EYS: variants seen among roughly 807,000 people sequenced by gnomAD.
EYS encodes protein eyes shut homolog.
Under a neutral mutation model 282.1 loss-of-function variants are expected in EYS, and 250 were observed. That is an observed-to-expected ratio of 0.89 (90% CI 0.80 to 0.98). The LOEUF is 0.98. Ranked by LOEUF, EYS falls within the 50% of genes least tolerant of loss-of-function variation. The pLI, the probability that EYS is intolerant of heterozygous loss-of-function variation, is 0.00. For synonymous variants in EYS, 1,355 were observed against 1,282.9 expected, an observed-to-expected ratio of 1.06 and a Z score of -1.20; for missense variants, 4,016 against 3,709.0, an observed-to-expected ratio of 1.08 and a Z score of -2.15.
rs376413806 is a variant in EYS at position 64,856,242 on chromosome 6, T to C, written c.2992+30455A>G. ...CATCTCCACCAGAAATAAATGAGAG[T>C]TCCTGTTGCTTCACATTTTCGCCAG... On this transcript the variant is annotated intron_variant, in intron 19 of 42. Transcript: ENST00000503581. Among the ~76,000 whole-genome samples, 6 of 152,002 alleles carry C rather than the reference T, an allele frequency of 3.9e-5. No homozygotes were observed. In the East Asian group the frequency reaches 5.8e-4, roughly 15 times the overall value.
intron 30 of EYS, among the ~76,000 whole-genome samples, chr6:64,263,731 G>A (rs1447259255): frequency 6.6e-6 from 1 of 152,074 alleles, no homozygotes; most frequent in Non-Finnish European, 1.5e-5. Context: ...CCATATGGAT[G>A]TATAGGTTTG....
intron 39 of EYS, 154 bp from the exon 40 acceptor site, chr6:63,778,334 G>A: frequency 1.3e-6 from 1 of 790,372 alleles, no homozygotes. Context: ...AATGCGCAGA[G>A]AAATTTTTTT....
intron 5 of EYS, among the ~76,000 whole-genome samples, chr6:65,442,470 A>G (rs1768371452): frequency 6.6e-6 from 1 of 151,958 alleles, no homozygotes; most frequent in South Asian, 2.1e-4. Context: ...TTAAAAATGA[A>G]TAGGCCAGGC....
At chr6:64,129,516 G>A (rs1773896677) in intron 31 of EYS, among the ~76,000 whole-genome samples, 1 of 152,142 alleles carries the variant, frequency 6.6e-6, no homozygotes, top group South Asian at 2.1e-4. Flanking sequence ...GTTCATTGCA[G>A]ATTCTGGATA....
At chr6:64,301,881 A>G (rs1339701591) in intron 30 of EYS, among the ~76,000 whole-genome samples, 1 of 152,170 alleles carries the variant, frequency 6.6e-6, no homozygotes, top group Non-Finnish European at 1.5e-5. Context: ...TTCTGGGTTT[A>G]CTAGCACTCA....
chr6:65,586,798 A>C (rs1045950389), intron 2 of EYS, among the ~76,000 whole-genome samples: 4 of 152,122 alleles, frequency 2.6e-5, no homozygotes, highest in Non-Finnish European at 5.9e-5. Context: ...CAATTCTATT[A>C]CAAGCAAGTC....
At chr6:64,584,320 T>C (rs1350894099) in intron 26 of EYS, among the ~76,000 whole-genome samples, 1 of 151,850 alleles carries the variant, frequency 6.6e-6, no homozygotes, top group Non-Finnish European at 1.5e-5. Context: ...TTTTCTCCTA[T>C]AGGAAGAGAG....
chr6:64,460,619 C>G (rs1775713653), intron 26 of EYS, among the ~76,000 whole-genome samples: 1 of 152,178 alleles, frequency 6.6e-6, no homozygotes, highest in Non-Finnish European at 1.5e-5. Flanking sequence ...AATGTAGTAT[C>G]TTTCTAAAGT....
chr6:64,302,596 G>A (rs926747206), intron 30 of EYS, among the ~76,000 whole-genome samples: 1 of 151,846 alleles, frequency 6.6e-6, no homozygotes. Flanking sequence ...TTTGTCACAC[G>A]TGGAATATCC....
At chr6:64,954,429 G>A (rs1349990164) in intron 14 of EYS, among the ~76,000 whole-genome samples, 1 of 152,016 alleles carries the variant, frequency 6.6e-6, no homozygotes, top group Non-Finnish European at 1.5e-5. Context: ...TTGACAATTA[G>A]AGATATAGTC....
At chr6:63,978,725 A>G (rs768672664) in intron 35 of EYS, among the ~76,000 whole-genome samples, 3 of 151,860 alleles carry the variant, frequency 2.0e-5, no homozygotes, top group South Asian at 4.1e-4. Context: ...AAAAGCTAAG[A>G]CCTGATATCC....
At chr6:64,335,403 G>A (rs937602145) in intron 29 of EYS, among the ~76,000 whole-genome samples, 2 of 152,012 alleles carry the variant, frequency 1.3e-5, no homozygotes, top group African/African-American at 4.8e-5. Context: ...TAGCGTGCCT[G>A]CAGGGTCACA....
chr6:64,927,506 A>G (rs913070488), intron 15 of EYS, among the ~76,000 whole-genome samples: 1 of 152,116 alleles, frequency 6.6e-6, no homozygotes, highest in Non-Finnish European at 1.5e-5. Flanking sequence ...AAAACTTTTT[A>G]CCATTAAATT....
In EYS at chr6:64,591,991, T is replaced by C. The variant is rs752930400; in HGVS notation, c.3878-2A>G. The C allele has an allele frequency of 1.4e-5, 21 of 1,454,700 alleles. No individual in the cohort carries two copies. The highest frequency in any genetic ancestry group is 3.6e-4 in the Middle Eastern group (2 of 5,556). 90.1% of individuals were successfully genotyped at this position (1,454,700 alleles called of 1,614,324 possible). ...TGACAATGCCTGTCTGTTTTGGACC[T>C]ACAAAAAGGAAAAAAGCCAAAAAGG... On this transcript the variant is annotated splice_acceptor_variant, in intron 25 of 42. Transcript: ENST00000503581. LOFTEE classifies it high-confidence loss of function.
chr6:65,543,520 G>A (rs1198070658), intron 2 of EYS, among the ~76,000 whole-genome samples: 1 of 149,672 alleles, frequency 6.7e-6, no homozygotes, highest in Non-Finnish European at 1.5e-5. Flanking sequence ...AGTCCCAATA[G>A]TTTTACCATA....
chr6:64,689,646 A>C (rs1278789051), intron 22 of EYS, among the ~76,000 whole-genome samples: 2 of 152,182 alleles, frequency 1.3e-5, no homozygotes, highest in African/African-American at 4.8e-5. Context: ...GCAATGGAAC[A>C]GAAGAGAGCC....
intron 13 of EYS, among the ~76,000 whole-genome samples, chr6:65,003,869 T>C (rs1771547014): frequency 6.8e-6 from 1 of 147,350 alleles, no homozygotes; most frequent in Admixed American, 6.8e-5. Flanking sequence ...TATTTCTGTT[T>C]CTCCTTTTTA....
chr6:65,327,180 C>T (rs1399813376), intron 11 of EYS, among the ~76,000 whole-genome samples: 1 of 151,612 alleles, frequency 6.6e-6, no homozygotes, highest in African/African-American at 2.4e-5. Flanking sequence ...CTAAATTCCA[C>T]CTTGATATAT....
intron 28 of EYS, among the ~76,000 whole-genome samples, chr6:64,403,541 T>C (rs1341164261): frequency 6.6e-6 from 1 of 152,050 alleles, no homozygotes; most frequent in Non-Finnish European, 1.5e-5. Context: ...GTATTTTTAA[T>C]AGAGATGGGG....
Sources: gnomAD v4.1 joint callset for allele counts (sites outside exome capture counted in the v4.1 genomes callset) on GRCh38, gnomAD v4.1.1 for gene constraint, MANE v1.5 for transcripts, NCBI Gene and HGNC (gene_info 2026-07-23, HGNC 2026-07-21) for gene names.